OPHN1: variants seen among roughly 807,000 people sequenced by gnomAD.
The protein encoded by OPHN1 is oligophrenin 1, also known as oligophrenin-1.
A neutral mutation model predicts 60.7 loss-of-function variants in OPHN1; 11 were observed. The observed-to-expected ratio is 0.18, with a 90% CI of 0.11 to 0.30. The LOEUF is 0.30. OPHN1 is among the 10% of genes least tolerant of loss of function. The pLI is 1.00. For synonymous variants in OPHN1, 226 were observed against 222.6 expected, an observed-to-expected ratio of 1.02 and a Z score of -0.14; for missense variants, 449 against 611.0, an observed-to-expected ratio of 0.73 and a Z score of 2.80.
intron 5 of OPHN1, among the ~76,000 whole-genome samples, chrX:68,238,769 C>T (rs951364677): frequency 2.7e-5 from 3 of 111,314 alleles, no homozygotes; most frequent in Admixed American, 9.6e-5. Flanking sequence ...CTCTAGGGGG[C>T]GCATGCAGAT....
chrX:68,193,038 G>GT, intron 14 of OPHN1, 45 bp from the exon 15 acceptor site: 2 of 1,010,316 alleles, frequency 2.0e-6, no homozygotes, highest in Non-Finnish European at 2.8e-6. Context: ...TATAGCTAGA[G>GT]TTGTCATCTC....
chrX:68,315,468 T>C (rs996238509), intron 2 of OPHN1, among the ~76,000 whole-genome samples: 7 of 111,922 alleles, frequency 6.3e-5, no homozygotes, highest in Admixed American at 1.9e-4. Flanking sequence ...ATAAAGGTCA[T>C]ATATGAAAAA....
intron 2 of OPHN1, among the ~76,000 whole-genome samples, chrX:68,357,976 A>G (rs910452626): frequency 9.1e-6 from 1 of 109,371 alleles, no homozygotes; most frequent in Non-Finnish European, 1.9e-5. Flanking sequence ...AATAAGTAGC[A>G]AGTACTAATT....
chrX:68,061,263 A>G (rs989966399), intron 21 of OPHN1, among the ~76,000 whole-genome samples: 23 of 111,927 alleles, frequency 2.1e-4, no homozygotes, highest in African/African-American at 7.5e-4. Flanking sequence ...AGCTGAGACC[A>G]TTAGATCAGA....
chrX:68,115,585 G>C (rs1487159943), intron 16 of OPHN1, among the ~76,000 whole-genome samples: 2 of 112,343 alleles, frequency 1.8e-5, no homozygotes, highest in African/African-American at 3.2e-5. Context: ...GTAAGGTAAA[G>C]ACTGACAACT....
intron 2 of OPHN1, among the ~76,000 whole-genome samples, chrX:68,348,189 G>T (rs1444084706): frequency 8.9e-6 from 1 of 112,121 alleles, no homozygotes; most frequent in Non-Finnish European, 1.9e-5. Context: ...AGTGTTAGAG[G>T]ATCAGGTAGA....
At chrX:68,218,633 T>A (rs1425118091) in intron 6 of OPHN1, among the ~76,000 whole-genome samples, 3 of 108,596 alleles carry the variant, frequency 2.8e-5, no homozygotes, top group Non-Finnish European at 5.7e-5. Context: ...TTCAACATTC[T>A]TAAAGAAAAG....
At chrX:68,155,635 T>C (rs902028338) in intron 15 of OPHN1, among the ~76,000 whole-genome samples, 17 of 112,098 alleles carry the variant, frequency 1.5e-4, no homozygotes, top group African/African-American at 4.9e-4. Flanking sequence ...TCTTCAGAAA[T>C]TTTGATTCTC....
intron 15 of OPHN1, among the ~76,000 whole-genome samples, chrX:68,164,767 G>A (rs185951414): frequency 8.9e-6 from 1 of 111,851 alleles, no homozygotes; most frequent in Non-Finnish European, 1.9e-5. Context: ...CTCTAGCTAT[G>A]GAAGTCCTAC....
rs200659608 is a variant in OPHN1, at chrX:68,053,666, G to A, written c.2303C>T (p.Ala768Val). The change falls in exon 22 of 25, where the codon GCG (alanine) becomes GTG (valine). Residue 768 changes from alanine (A) to valine (V), a missense_variant. Physicochemically the swap from Ala to Val is moderately conservative, Grantham distance 64 (BLOSUM62 0). Transcript: ENST00000355520. Reference protein sequence around the residue: ...EPKPDIVAGNAGEITSSVVAS... With the variant: ...EPKPDIVAGNVGEITSSVVAS... ...TTACACAGATGATGTGATTTCCCCC[G>A]CATTGCCAGCCACAATATCTGGCTT... 8.7e-5 allele frequency: 105 copies of A among 1,209,357 alleles called. No individual in the cohort carries two copies. The highest frequency in any genetic ancestry group is 3.7e-4 in the African/African-American group (21 of 57,158).
intron 2 of OPHN1, among the ~76,000 whole-genome samples, chrX:68,322,972 A>G (rs1197898868): frequency 1.8e-5 from 2 of 112,003 alleles, no homozygotes; most frequent in African/African-American, 6.5e-5. Context: ...TGACAAAAAT[A>G]TAGAAATGGA....
chrX:68,206,651 C>T lies in OPHN1; in HGVS notation c.855G>A (p.Val285=). ...CTTTCTCATACTGGCAATAGTATTT[C>T]ACCCAGGATATTCCTAAAGCCCCTA... ...QEKWALGISW[V]KYYCQYEKET... The change falls in exon 10 of 25, where the codon GTG becomes GTA. Residue 285 remains valine (V), a synonymous_variant. Transcript: ENST00000355520. 2 of 1,204,818 alleles carry T rather than the reference C, an allele frequency of 1.7e-6. No homozygotes were observed.
intron 2 of OPHN1, among the ~76,000 whole-genome samples, chrX:68,415,625 G>A (rs1478033637): frequency 8.9e-6 from 1 of 111,830 alleles, no homozygotes; most frequent in East Asian, 2.8e-4. Context: ...GTTAGCTTAT[G>A]ACAAATAACA....
At chrX:68,093,906 T>C (rs2077028196) in intron 19 of OPHN1, among the ~76,000 whole-genome samples, 1 of 110,905 alleles carries the variant, frequency 9.0e-6, no homozygotes, top group Non-Finnish European at 1.9e-5. Flanking sequence ...GAGCAAAAAT[T>C]TTTAATTTTG....
At chrX:68,194,323 T>C in intron 13 of OPHN1, 142 bp downstream of exon 13, 1 of 564,708 alleles carries the variant, frequency 1.8e-6, no homozygotes, top group Non-Finnish European at 3.1e-6. Flanking sequence ...ATTTAAAAAA[T>C]ATATGGCTGA....
chrX:68,065,070 A>G (rs1028767469), intron 20 of OPHN1, among the ~76,000 whole-genome samples: 71 of 111,039 alleles, frequency 6.4e-4, no homozygotes, highest in African/African-American at 2.3e-3. Context: ...GCAGCACACC[A>G]ACATGGCACA....
chrX:68,163,477 T>C (rs777380128), intron 15 of OPHN1, among the ~76,000 whole-genome samples: 1 of 109,293 alleles, frequency 9.1e-6, no homozygotes, highest in South Asian at 4.0e-4. Context: ...CCACAATTTA[T>C]CCATTCATTT....
chrX:68,393,987 C>T (rs1313050231), intron 2 of OPHN1, among the ~76,000 whole-genome samples: 1 of 99,980 alleles, frequency 1.0e-5, no homozygotes, highest in African/African-American at 3.6e-5. Context: ...GCTCCGCCTC[C>T]CGGGTTCACG....
At chrX:68,314,325 C>T (rs1292458147) in intron 2 of OPHN1, among the ~76,000 whole-genome samples, 1 of 110,701 alleles carries the variant, frequency 9.0e-6, no homozygotes, top group African/African-American at 3.3e-5. Flanking sequence ...AGTTCGAGAC[C>T]AGCCTGACCA....
Sources: allele counts gnomAD v4.1 joint callset (sites outside exome capture counted in the v4.1 genomes callset), GRCh38; gene constraint gnomAD v4.1.1; transcripts MANE v1.5; gene names NCBI Gene and HGNC (gene_info 2026-07-23, HGNC 2026-07-21).